The following FMN1 variants were observed in gnomAD, a reference collection of about 807,000 sequenced individuals.
FMN1 encodes the protein formin 1.
A neutral mutation model predicts 132.4 loss-of-function variants in FMN1; 110 were observed. That is an observed-to-expected ratio of 0.83 (90% confidence interval 0.71 to 0.97). FMN1 has a LOEUF of 0.97. Ranked by LOEUF, FMN1 falls within the 50% of genes least tolerant of loss-of-function variation. FMN1 has a pLI of 0.00. For missense variants in FMN1, 1,792 were observed against 1,705.3 expected (o/e 1.05, Z -0.90); for synonymous variants, 722 against 651.7 (o/e 1.11, Z -1.64).
intron 19 of FMN1, among the ~76,000 whole-genome samples, chr15:32,796,494 G>T (rs2057295201): frequency 6.6e-6 from 1 of 152,052 alleles, no homozygotes. Context: ...ATGTTATGTT[G>T]TCTCCTGATG....
chr15:33,042,701 GATA>G (rs1486473817), intron 6 of FMN1, among the ~76,000 whole-genome samples: 3 of 152,012 alleles, frequency 2.0e-5, no homozygotes, highest in Non-Finnish European at 2.9e-5. Context: ...AAACAAAACT[GATA>G]ATAACAGCTT....
intron 7 of FMN1, among the ~76,000 whole-genome samples, chr15:32,984,112 G>T (rs1010554455): frequency 6.6e-6 from 1 of 151,818 alleles, no homozygotes; most frequent in East Asian, 1.9e-4. Context: ...ATCCATAAAT[G>T]CTTCCAAACA....
chr15:32,885,820 T>A (rs944199351), intron 16 of FMN1, among the ~76,000 whole-genome samples: 16 of 147,130 alleles, frequency 1.1e-4, no homozygotes, highest in South Asian at 4.3e-4. Flanking sequence ...TTTTTTTTTT[T>A]AAAAGACTCT....
intron 4 of FMN1, among the ~76,000 whole-genome samples, chr15:33,139,367 C>T (rs946842230): frequency 8.5e-5 from 13 of 152,146 alleles, no homozygotes; most frequent in Admixed American, 4.6e-4. Context: ...GAGGCCGAGG[C>T]GGGCGGATCA....
At chr15:32,813,480 T>TCA (rs2057955837) in intron 17 of FMN1, among the ~76,000 whole-genome samples, 1 of 152,216 alleles carries the variant, frequency 6.6e-6, no homozygotes, top group African/African-American at 2.4e-5. Context: ...GGTAAGTCTT[T>TCA]CAACCATTTA....
chr15:33,069,215 G>C (rs1395866122), intron 5 of FMN1, among the ~76,000 whole-genome samples: 4 of 152,120 alleles, frequency 2.6e-5, no homozygotes, highest in African/African-American at 9.7e-5. Flanking sequence ...TTATATGCTG[G>C]GAAACTGGCA....
intron 4 of FMN1, among the ~76,000 whole-genome samples, chr15:33,125,396 G>A (rs898958087): frequency 9.9e-5 from 15 of 152,024 alleles, no homozygotes; most frequent in African/African-American, 3.1e-4. Context: ...GTTGAAGAAA[G>A]GTAGACTCTT....
chr15:32,790,719 AT>A (rs1247727387), intron 19 of FMN1, among the ~76,000 whole-genome samples: 1 of 152,072 alleles, frequency 6.6e-6, no homozygotes, highest in East Asian at 1.9e-4. Context: ...TAGCTTCCAC[AT>A]TTCCTTTGGA....
intron 9 of FMN1, among the ~76,000 whole-genome samples, chr15:32,958,445 T>A (rs765577767): frequency 2.0e-5 from 3 of 152,190 alleles, no homozygotes; most frequent in Non-Finnish European, 2.9e-5. Flanking sequence ...TCGGTCTTAG[T>A]TTCTTATGTG....
chr15:33,020,716 C>G (rs1287557555), intron 6 of FMN1, among the ~76,000 whole-genome samples: 1 of 151,676 alleles, frequency 6.6e-6, no homozygotes, highest in African/African-American at 2.4e-5. Context: ...GTGCCAGGCA[C>G]TGAACTAAGC....
intron 20 of FMN1, 128 bp from the exon 21 acceptor site, chr15:32,774,482 C>G: frequency 1.5e-6 from 1 of 683,254 alleles, no homozygotes; most frequent in African/African-American, 1.8e-5. Flanking sequence ...AATGAGAGTA[C>G]CTCTACTGCT....
At chr15:33,059,072 C>T (rs1314182847) in intron 6 of FMN1, among the ~76,000 whole-genome samples, 1 of 152,158 alleles carries the variant, frequency 6.6e-6, no homozygotes, top group Non-Finnish European at 1.5e-5. Flanking sequence ...CCTCTGATAA[C>T]CATCATTTTA....
intron 3 of FMN1, among the ~76,000 whole-genome samples, chr15:33,167,375 C>A (rs901671092): frequency 1.3e-5 from 2 of 152,206 alleles, no homozygotes; most frequent in Non-Finnish European, 2.9e-5. Context: ...TGAAGCCTCC[C>A]CAGCCGTGTG....
intron 3 of FMN1, among the ~76,000 whole-genome samples, chr15:33,167,845 C>T (rs1319997723): frequency 6.6e-6 from 1 of 152,048 alleles, no homozygotes; most frequent in Admixed American, 6.6e-5. Flanking sequence ...GGTCTTTATC[C>T]TTATTGTCTT....
intron 17 of FMN1, among the ~76,000 whole-genome samples, chr15:32,855,176 A>AAAAAAAG (rs913409260): frequency 6.7e-6 from 1 of 149,712 alleles, no homozygotes; most frequent in Non-Finnish European, 1.5e-5. Flanking sequence ...AAAAAAAAAA[A>AAAAAAAG]AAAAAAGAAA....
intron 10 of FMN1, among the ~76,000 whole-genome samples, chr15:32,914,645 G>T (rs942435474): frequency 2.6e-5 from 4 of 152,216 alleles, no homozygotes; most frequent in African/African-American, 9.6e-5. Context: ...GACTAATTTA[G>T]AATCTATTGT....
chr15:33,087,365 G>C (rs1299936902), intron 5 of FMN1, among the ~76,000 whole-genome samples: 1 of 152,106 alleles, frequency 6.6e-6, no homozygotes, highest in Non-Finnish European at 1.5e-5. Context: ...GGCCAACATG[G>C]TGAAACCCCA....
chr15:33,028,844 ACTT>A (rs896749455), intron 6 of FMN1, among the ~76,000 whole-genome samples: 5 of 152,182 alleles, frequency 3.3e-5, no homozygotes, highest in African/African-American at 1.2e-4. Flanking sequence ...GAAACAAAAT[ACTT>A]CTTAAGTTTC....
At position 32,770,049 on chromosome 15, in the gene FMN1, G is replaced by A. The variant is rs2056177344; in HGVS notation, c.*4261C>T. On this transcript the variant is annotated 3_prime_UTR_variant, in exon 21 of 21. Transcript: ENST00000616417. ...TAATATTTGGATCAGATATGTGGGAGGGGGGAAGGCTATATATTTTTGGAC... is the reference window on the plus strand; with the variant it reads ...TAATATTTGGATCAGATATGTGGGAAGGGGGAAGGCTATATATTTTTGGAC... 6.6e-6 allele frequency: 1 copy of A among 152,126 alleles called. No homozygotes were observed. The highest frequency in any genetic ancestry group is 2.4e-5 in the African/African-American group (1 of 41,432). 9.4% of individuals were successfully genotyped at this position (152,126 alleles called of 1,614,324 possible).
Sources: gnomAD v4.1 joint callset for allele counts (sites outside exome capture counted in the v4.1 genomes callset) on GRCh38, gnomAD v4.1.1 for gene constraint, MANE v1.5 for transcripts, NCBI Gene and HGNC (gene_info 2026-07-23, HGNC 2026-07-21) for gene names.